The following TEX9 variants were observed in gnomAD, a reference collection of about 807,000 sequenced individuals.
TEX9 encodes testis-expressed protein 9.
In TEX9, 74 loss-of-function variants were observed where a neutral mutation model predicts 59.6. The ratio of observed to expected loss-of-function variants is 1.24; its 90% CI spans 1.03 to 1.51. The LOEUF (loss-of-function observed/expected upper bound fraction) is 1.51, where lower values mean the gene tolerates loss of function less well. TEX9 is among the 40% of genes most tolerant of loss of function. The pLI is 0.00. For synonymous variants in TEX9, 186 were observed against 152.2 expected (o/e 1.22, Z -1.64); for missense variants, 522 against 447.8 (o/e 1.17, Z -1.49).
At chr15:56,246,396 A>T (rs1457199314) in intron 1 of TEX9, among the ~76,000 whole-genome samples, 1 of 152,162 alleles carries the variant, frequency 6.6e-6, no homozygotes, top group Non-Finnish European at 1.5e-5. Context: ...AGCCCTCACT[A>T]CTCACTTAAC....
chr15:56,441,959 G>T (rs1004167999), intron 12 of TEX9, among the ~76,000 whole-genome samples: 47 of 152,068 alleles, frequency 3.1e-4, no homozygotes, highest in African/African-American at 1.0e-3. Context: ...GGCATAGCTT[G>T]CAGTGAGCCG....
intron 1 of TEX9, among the ~76,000 whole-genome samples, chr15:56,336,107 C>G (rs1175202297): frequency 6.6e-6 from 1 of 152,168 alleles, no homozygotes; most frequent in African/African-American, 2.4e-5. Context: ...CATTTCTTCT[C>G]AGAGTACTTG....
chr15:56,253,702 A>G (rs919583035), intron 1 of TEX9, among the ~76,000 whole-genome samples: 3 of 152,158 alleles, frequency 2.0e-5, no homozygotes, highest in South Asian at 2.1e-4. Flanking sequence ...GTAGAATTCC[A>G]TAACAGGATG....
At chr15:56,418,879 A>C (rs1416614008) in intron 10 of TEX9, among the ~76,000 whole-genome samples, 2 of 151,946 alleles carry the variant, frequency 1.3e-5, no homozygotes, top group African/African-American at 4.9e-5. Flanking sequence ...TCCAATGAGC[A>C]TTTATTATAA....
intron 1 of TEX9, among the ~76,000 whole-genome samples, chr15:56,342,497 T>C (rs1395818386): frequency 6.6e-6 from 1 of 152,122 alleles, no homozygotes; most frequent in Non-Finnish European, 1.5e-5. Flanking sequence ...GCAAACATTA[T>C]GGTTCAGGGC....
chr15:56,401,790 C>G (rs965921408), intron 9 of TEX9, among the ~76,000 whole-genome samples: 1 of 152,194 alleles, frequency 6.6e-6, no homozygotes, highest in African/African-American at 2.4e-5. Flanking sequence ...TCTCTCAGAC[C>G]ACAGTGCAAT....
intron 1 of TEX9, among the ~76,000 whole-genome samples, chr15:56,351,525 C>T (rs2046579834): frequency 1.3e-5 from 2 of 152,106 alleles, no homozygotes; most frequent in Non-Finnish European, 2.9e-5. Context: ...TCGAGTGCAG[C>T]CAGTGTGGCA....
chr15:56,380,930 A>C (rs1003575788), intron 3 of TEX9, among the ~76,000 whole-genome samples: 3 of 152,090 alleles, frequency 2.0e-5, no homozygotes, highest in Non-Finnish European at 2.9e-5. Context: ...TTGGTGTTCT[A>C]TAGTCTTCTT....
chr15:56,259,880 C>G (rs1351501215), intron 1 of TEX9, among the ~76,000 whole-genome samples: 1 of 151,992 alleles, frequency 6.6e-6, no homozygotes, highest in African/African-American at 2.4e-5. Flanking sequence ...AATCCATGAA[C>G]ATGGTATATC....
chr15:56,300,696 A>AGGGAGG (rs142021105), intron 1 of TEX9, among the ~76,000 whole-genome samples: 59 of 59,514 alleles, frequency 9.9e-4, no homozygotes, highest in African/African-American at 2.9e-3. Flanking sequence ...AGAGAGAGAG[A>AGGGAGG]GAGAGAGAGA....
Position 56,276,165 on chromosome 15 carries a change from T to C in TEX9, c.-107+31887T>C, listed in dbSNP as rs2044662910. 2.0e-5 allele frequency among the ~76,000 whole-genome samples: 3 copies of C among 152,170 alleles called. No individual in the cohort carries two copies. In the South Asian group the frequency reaches 6.2e-4, roughly 32 times the overall value. The stretch of plus-strand genomic sequence containing the variant: ...TCTAAACTTTTTTTTTAATTTTAGT[T>C]TTTTATTTTATTTTACTTTAAGTTC... On this transcript the variant is annotated intron_variant, in intron 1 of 5. Coordinates refer to the TEX9 transcript ENST00000560827.
At chr15:56,459,183 G>C in the TEX9 span, among the ~76,000 whole-genome samples, 1 of 152,220 alleles carries the variant, frequency 6.6e-6, no homozygotes, top group African/African-American at 2.4e-5. Flanking sequence ...GCATATTCTG[G>C]ATATTTCATA....
At chr15:56,373,298 G>A in intron 2 of TEX9, 143 bp from the exon 3 acceptor site, 1 of 647,820 alleles carries the variant, frequency 1.5e-6, no homozygotes, top group Non-Finnish European at 2.5e-6. Flanking sequence ...AGTTCTTAAT[G>A]GCTGTGTTCA....
intron 1 of TEX9, among the ~76,000 whole-genome samples, chr15:56,333,756 G>T (rs1948867369): frequency 6.6e-6 from 1 of 152,086 alleles, no homozygotes; most frequent in Non-Finnish European, 1.5e-5. Context: ...CAGATGATAT[G>T]ATCTTATATT....
intron 1 of TEX9, among the ~76,000 whole-genome samples, chr15:56,341,590 T>A (rs2046373240): frequency 1.3e-5 from 2 of 151,758 alleles, no homozygotes; most frequent in African/African-American, 4.8e-5. Context: ...TGAGGGAGTG[T>A]ACTTCAGGGG....
At chr15:56,247,097 C>T (rs1283411445) in intron 1 of TEX9, among the ~76,000 whole-genome samples, 1 of 152,092 alleles carries the variant, frequency 6.6e-6, no homozygotes, top group Non-Finnish European at 1.5e-5. Context: ...GTTAACTAAC[C>T]CTCATTTTCC....
rs981681239 is a variant in TEX9, at chr15:56,392,635, G to A, written c.571+1217G>A. Among the ~76,000 whole-genome samples, 4 of 131,094 alleles carry A rather than the reference G, an allele frequency of 3.1e-5. No individual in the cohort carries two copies. The Admixed American group carries it at 3.1e-4, about 10-fold the overall frequency. The allele number at this position is 131,094 out of a possible 152,430, so 86.0% of individuals were successfully genotyped here. A position where few individuals can be genotyped will look rare whatever the true frequency, so the allele number is the denominator to read the frequency against. The stretch of plus-strand genomic sequence containing the variant: ...TTCTGTGAAAAATCATAATTTATAT[G>A]TATAATAATTATTGTGTTACTAATC... On this transcript the variant is annotated intron_variant, in intron 7 of 12. Coordinates refer to ENST00000352903, the Ensembl canonical transcript of TEX9.
rs2049497660 is a variant in TEX9 at position 56,413,312 on chromosome 15, T to TTAAA, written c.963+877_963+878insAAAT. ...AATAATAAATTATTTAATTTAATAA[T>TTAAA]TTATTATTTAATAATTAAAACAATA... On this transcript the variant is annotated intron_variant, in intron 10 of 12. Transcript: ENST00000352903. Among the ~76,000 whole-genome samples the TTAAA allele has an allele frequency of 2.2e-5, 3 of 133,766 alleles. No homozygotes were observed. The Admixed American group carries it at 2.3e-4, about 10-fold the overall frequency. The allele number at this position is 133,766 out of a possible 152,430, so 87.8% of individuals were successfully genotyped here. A position where few individuals can be genotyped will look rare whatever the true frequency, so the allele number is the denominator to read the frequency against.
At chr15:56,314,567 C>T in intron 1 of TEX9, among the ~76,000 whole-genome samples, 1 of 150,660 alleles carries the variant, frequency 6.6e-6, no homozygotes, top group African/African-American at 2.4e-5. Context: ...GCTTTACTTC[C>T]AACTATGTGG....
Sources: gnomAD v4.1 joint callset for allele counts (sites outside exome capture counted in the v4.1 genomes callset) on GRCh38, gnomAD v4.1.1 for gene constraint, MANE v1.5 for transcripts, NCBI Gene and HGNC (gene_info 2026-07-23, HGNC 2026-07-21) for gene names.